SUGCT: variants seen among roughly 807,000 people sequenced by gnomAD.
SUGCT encodes the protein succinyl-CoA:glutarate CoA-transferase.
A neutral mutation model predicts 55.0 loss-of-function variants in SUGCT; 41 were observed. The ratio of observed to expected loss-of-function variants is 0.74; its 90% CI spans 0.58 to 0.97. The LOEUF is 0.97. Ranked by LOEUF, SUGCT falls within the 50% of genes least tolerant of loss-of-function variation. The pLI is 0.00. For synonymous variants in SUGCT, 187 were observed against 200.4 expected (o/e 0.93, Z 0.56); for missense variants, 568 against 547.8 (o/e 1.04, Z -0.37).
chr7:40,884,563 A>G, the SUGCT span, among the ~76,000 whole-genome samples: 1 of 152,120 alleles, frequency 6.6e-6, no homozygotes, highest in African/African-American at 2.4e-5. Flanking sequence ...GCAGTGATTG[A>G]TATTAAGGGA....
chr7:40,944,936 T>A, the SUGCT span, among the ~76,000 whole-genome samples: 1 of 152,200 alleles, frequency 6.6e-6, no homozygotes, highest in African/African-American at 2.4e-5. Flanking sequence ...GCTTAGTGTG[T>A]GAGCAGGTTC....
At chr7:40,910,662 C>A in the SUGCT span, among the ~76,000 whole-genome samples, 1 of 152,162 alleles carries the variant, frequency 6.6e-6, no homozygotes, top group Admixed American at 6.5e-5. Context: ...TCAGCCTTTG[C>A]TCTATTTGGT....
At chr7:41,018,929 G>A in the SUGCT span, among the ~76,000 whole-genome samples, 15 of 143,048 alleles carry the variant, frequency 1.0e-4, no homozygotes, top group African/African-American at 3.5e-4. Context: ...TTTTTGAGAC[G>A]GAGTCTCACT....
chr7:40,529,994 T>G lies in SUGCT; in HGVS notation c.1089+33608T>G, dbSNP rs1337559948. Among the ~76,000 whole-genome samples the G allele has an allele frequency of 2.6e-5, 4 of 152,278 alleles. No individual in the cohort carries two copies. In the East Asian group the frequency reaches 7.7e-4, roughly 29 times the overall value. On this transcript the variant is annotated intron_variant, in intron 12 of 13. Transcript: ENST00000335693. ...CCATAAGCCCTAGAGTGTCAGTACCTGAAGATTTTTTACCTAATTGCTCAC... is the reference window on the plus strand; with the variant it reads ...CCATAAGCCCTAGAGTGTCAGTACCGGAAGATTTTTTACCTAATTGCTCAC...
At chr7:40,873,972 T>G in the SUGCT span, among the ~76,000 whole-genome samples, 4 of 152,228 alleles carry the variant, frequency 2.6e-5, no homozygotes, top group African/African-American at 9.6e-5. Flanking sequence ...AAGACTCATA[T>G]CAGCAGAGGC....
At position 40,505,592 on chromosome 7, in the gene SUGCT, G is replaced by T. The variant is rs143226600; in HGVS notation, c.1089+9206G>T. Among the ~76,000 whole-genome samples, 216 of 151,956 alleles carry T rather than the reference G, an allele frequency of 1.4e-3. 3 individuals are homozygous for T. In the East Asian group the frequency reaches 0.026, roughly 18 times the overall value. ...ATTTACCGAAATTGACTTCAGTTTTGTACTGATTTAATTACAACAAAACAA... is the reference window on the plus strand; with the variant it reads ...ATTTACCGAAATTGACTTCAGTTTTTTACTGATTTAATTACAACAAAACAA... On this transcript the variant is annotated intron_variant, in intron 12 of 13. Coordinates refer to ENST00000335693, the MANE Select transcript of SUGCT (RefSeq NM_001193313.2).
chr7:40,535,428 A>T (rs1191351048), intron 12 of SUGCT, among the ~76,000 whole-genome samples: 1 of 152,200 alleles, frequency 6.6e-6, no homozygotes. Context: ...CTGTTCCTTC[A>T]TTAATTGACA....
chr7:40,366,739 G>A (rs1002948589), intron 9 of SUGCT, among the ~76,000 whole-genome samples: 1 of 151,812 alleles, frequency 6.6e-6, no homozygotes, highest in African/African-American at 2.4e-5. Context: ...CAGTTAGAAT[G>A]GCAGTCATTA....
intron 1 of SUGCT, chr7:40,151,615 A>G (rs559664323): frequency 8.8e-6 from 2 of 228,114 alleles, no homozygotes; most frequent in Non-Finnish European, 2.0e-5. Flanking sequence ...CACTGCCAAC[A>G]TGTCTGACAT....
intron 9 of SUGCT, among the ~76,000 whole-genome samples, chr7:40,325,909 G>T (rs4588741): frequency 0.65 from 79,711 of 122,710 alleles, 24,618 homozygotes; most frequent in South Asian, 0.77. Flanking sequence ...TTTTTTTTTT[G>T]TTTGTTTTTG....
intron 12 of SUGCT, among the ~76,000 whole-genome samples, chr7:40,519,054 T>C (rs1422202869): frequency 6.6e-6 from 1 of 152,120 alleles, no homozygotes; most frequent in Non-Finnish European, 1.5e-5. Context: ...CATGTATTCC[T>C]GGATATAATT....
chr7:40,640,836 A>T (rs76332325), intron 12 of SUGCT, among the ~76,000 whole-genome samples: 1,719 of 152,354 alleles, frequency 0.011, 41 homozygotes, highest in African/African-American at 0.038. Context: ...AATGAAGCAG[A>T]CTATGAAGAA....
At chr7:40,596,410 G>A (rs1798012173) in intron 12 of SUGCT, among the ~76,000 whole-genome samples, 1 of 152,168 alleles carries the variant, frequency 6.6e-6, no homozygotes, top group South Asian at 2.1e-4. Context: ...TTTCCTGAAT[G>A]TATAGAGGTC....
At chr7:40,362,814 A>G (rs1303984343) in intron 9 of SUGCT, among the ~76,000 whole-genome samples, 1 of 152,168 alleles carries the variant, frequency 6.6e-6, no homozygotes, top group Non-Finnish European at 1.5e-5. Context: ...TTGGAAAAAA[A>G]TGTAGTCTTG....
the SUGCT span, among the ~76,000 whole-genome samples, chr7:40,954,530 T>C: frequency 2.6e-4 from 39 of 152,264 alleles, 1 homozygote; most frequent in Non-Finnish European, 3.8e-4. Flanking sequence ...AAATCACCCA[T>C]CTTCTGCGTC....
chr7:40,495,320 G>T (rs958487220), intron 11 of SUGCT, among the ~76,000 whole-genome samples: 2 of 151,428 alleles, frequency 1.3e-5, no homozygotes, highest in African/African-American at 4.9e-5. Flanking sequence ...ATGTACAGGA[G>T]AACTGAAGGG....
In SUGCT at chr7:40,168,367, T is replaced by C. The variant is rs545139961; in HGVS notation, c.101-12580T>C. On this transcript the variant is annotated intron_variant, in intron 1 of 13. Transcript: ENST00000335693. ...GGTGCCTTCGGTGTCATCAACATCA[T>C]AGCATGTGCTAGCAGGCTGGTCCAG... is the stretch of plus-strand genomic sequence containing the variant. Among the ~76,000 whole-genome samples the C allele has an allele frequency of 2.0e-5, 3 of 152,310 alleles. No individual in the cohort carries two copies. The East Asian group carries it at 5.8e-4, about 29-fold the overall frequency.
At chr7:40,953,979 T>C in the SUGCT span, among the ~76,000 whole-genome samples, 10 of 152,348 alleles carry the variant, frequency 6.6e-5, no homozygotes, top group African/African-American at 2.4e-4. Context: ...TCTTCAAAGC[T>C]GTCAGACAGG....
At chr7:40,457,451 A>T (rs1167952339) in intron 10 of SUGCT, among the ~76,000 whole-genome samples, 2 of 152,178 alleles carry the variant, frequency 1.3e-5, no homozygotes, top group South Asian at 2.1e-4. Context: ...CAAAAAAAAA[A>T]ATATCTTTTG....
Sources: gnomAD v4.1 joint callset for allele counts (sites outside exome capture counted in the v4.1 genomes callset) on GRCh38, gnomAD v4.1.1 for gene constraint, MANE v1.5 for transcripts, NCBI Gene and HGNC (gene_info 2026-07-23, HGNC 2026-07-21) for gene names.